SLC45A3: variants seen among roughly 807,000 people sequenced by gnomAD.
The protein encoded by SLC45A3 is solute carrier family 45 member 3.
Under a neutral mutation model 35.3 loss-of-function variants are expected in SLC45A3, and 17 were observed. That is an observed-to-expected ratio of 0.48 (90% confidence interval 0.33 to 0.72). The LOEUF (loss-of-function observed/expected upper bound fraction) is 0.72, where lower values mean the gene tolerates loss of function less well. Ranked by LOEUF, SLC45A3 falls within the 30% of genes least tolerant of loss-of-function variation. The pLI, the probability that SLC45A3 is intolerant of heterozygous loss-of-function variation, is 0.02. For missense variants in SLC45A3, 597 were observed against 731.7 expected (o/e 0.82, Z 2.12); for synonymous variants, 288 against 334.3 (o/e 0.86, Z 1.51).
At position 205,669,891 on chromosome 1, in the gene SLC45A3, GGTCA is replaced by G. The variant is rs1671181091; in HGVS notation, c.-230-5009_-230-5006del. On this transcript the variant is annotated intron_variant, in intron 1 of 4. Transcript: ENST00000367145. The surrounding 1 kb of genome is among the most constrained non-coding windows in gnomAD (Gnocchi z 4.1). Reference sequence around the variant, plus strand: ...ACCCCACCAAGGCTGCCCTGCCCCAGGTCAGTGAGATGGCAGAGAAGGGGCAACC... The same window carrying G: ...ACCCCACCAAGGCTGCCCTGCCCCAGGTGAGATGGCAGAGAAGGGGCAACC... 6.6e-6 allele frequency among the ~76,000 whole-genome samples: 1 copy of G among 152,176 alleles called. No individual in the cohort carries two copies. The highest frequency in any genetic ancestry group is 2.4e-5 in the African/African-American group (1 of 41,456).
At position 205,662,148 on chromosome 1, in the gene SLC45A3, C is replaced by T. The variant is rs763839327; in HGVS notation, c.959-22G>A. 5 of 1,603,798 alleles carry T rather than the reference C, an allele frequency of 3.1e-6. No individual in the cohort carries two copies. The East Asian group carries it at 1.1e-4, about 36-fold the overall frequency. The stretch of plus-strand genomic sequence containing the variant: ...ACGCCTGCAGAGGGAGAGGGGCCAT[C>T]AGACAGAGCCTGGGAGGGAAGGGTC... On this transcript the variant is annotated intron_variant, in intron 3 of 4. Transcript: ENST00000367145. The surrounding 1 kb of genome is among the most constrained non-coding windows in gnomAD (Gnocchi z 6.2).
chr1:205,670,743 C>A (rs1267385712), intron 1 of SLC45A3, among the ~76,000 whole-genome samples: 1 of 152,198 alleles, frequency 6.6e-6, no homozygotes, highest in Non-Finnish European at 1.5e-5. Flanking sequence ...GCAGAGTAAT[C>A]CATCAAACTC....
In SLC45A3 at chr1:205,659,380, G is replaced by C. The variant is rs1670977388; in HGVS notation, c.1516C>G (p.Pro506Ala). The change falls in exon 5 of 5, where the codon CCA becomes GCA. Residue 506 changes from proline (P) to alanine (A), a missense_variant. Physicochemically the swap from Pro to Ala is conservative, Grantham distance 27 (BLOSUM62 -1). Transcript: ENST00000367145. This position sits in a 1 kb window ranked among gnomAD's most constrained non-coding sequence, Gnocchi z 5.8. ...DSAFLLSQVA[P>A]SLFMGSIVQL... ...ACAATGGAGCCCATAAACAGGGATG[G>C]GGCCACCTGGGACAGCAGGAAGGCA... The C allele has an allele frequency of 6.2e-7, 1 of 1,614,092 alleles. No homozygotes were observed. Among genetic ancestry groups the C allele is most frequent in the Non-Finnish European group, 8.5e-7 (1 of 1,180,054 alleles).
intron 1 of SLC45A3, among the ~76,000 whole-genome samples, chr1:205,677,686 A>G (rs1310153235): frequency 6.6e-6 from 1 of 152,214 alleles, no homozygotes; most frequent in Non-Finnish European, 1.5e-5. Context: ...GTTTTTTAAG[A>G]GCAAGGCCCA....
intron 1 of SLC45A3, among the ~76,000 whole-genome samples, chr1:205,672,324 G>A (rs1002306323): frequency 1.3e-5 from 2 of 152,186 alleles, no homozygotes; most frequent in African/African-American, 4.8e-5. Context: ...AACAGGTGAG[G>A]AGAGGTCACT....
rs1343323819 is a variant in SLC45A3, at chr1:205,680,460, G to GC, written c.-298dup. 9.2e-5 allele frequency: 14 copies of GC among 152,494 alleles called. No homozygotes were observed. In the East Asian group the frequency reaches 1.4e-3, roughly 15 times the overall value. 9.4% of individuals were successfully genotyped at this position (152,494 alleles called of 1,614,324 possible). Reference sequence around the variant, plus strand: ...AGGCTGGTTCCGCCCCCCCTTCCTTGCCCCCCACGCGCGCCAGCCGGCGGC... The same window carrying GC: ...AGGCTGGTTCCGCCCCCCCTTCCTTGCCCCCCCACGCGCGCCAGCCGGCGGC... On this transcript the variant is annotated 5_prime_UTR_variant, in exon 1 of 5. Transcript: ENST00000367145.
rs924165956 is a variant in SLC45A3 at position 205,664,874 on chromosome 1, C to T, written c.-218G>A. The T allele has an allele frequency of 1.6e-5, 22 of 1,397,242 alleles. No homozygotes were observed. The highest frequency in any genetic ancestry group is 1.8e-5 in the Non-Finnish European group (19 of 1,078,792). 86.6% of individuals were successfully genotyped at this position (1,397,242 alleles called of 1,614,324 possible). On this transcript the variant is annotated 5_prime_UTR_variant, in exon 2 of 5. The change abolishes an upstream ATG in the 5' untranslated region. Coordinates refer to ENST00000367145, the MANE Select transcript of SLC45A3 (RefSeq NM_033102.3). This position sits in a 1 kb window ranked among gnomAD's most constrained non-coding sequence, Gnocchi z 5.3. ...GGGGCACCTCAGTGGGGACACGTCT[C>T]ATCACTCAGATCCTAGAAGGGCGGG...
intron 1 of SLC45A3, among the ~76,000 whole-genome samples, chr1:205,678,935 C>G (rs1002195002): frequency 2.0e-5 from 3 of 152,208 alleles, no homozygotes; most frequent in Non-Finnish European, 4.4e-5. Flanking sequence ...GCCTGGGCCT[C>G]CTGGGCCCTC....
At chr1:205,677,817 A>G (rs1442367850) in intron 1 of SLC45A3, among the ~76,000 whole-genome samples, 1 of 152,236 alleles carries the variant, frequency 6.6e-6, no homozygotes. Context: ...AGTATTCTAT[A>G]TACAATATTT....
Position 205,669,213 on chromosome 1 carries a change from T to C in SLC45A3, c.-230-4327A>G, listed in dbSNP as rs546255583. On this transcript the variant is annotated intron_variant, in intron 1 of 4. Transcript: ENST00000367145. This position sits in a 1 kb window ranked among gnomAD's most constrained non-coding sequence, Gnocchi z 4.1. Reference sequence around the variant, plus strand: ...CTCCTATGGGCTCAAAGGTGGTGAGTGGCTCAGATAAACCCTCCTGGACTG... The same window carrying C: ...CTCCTATGGGCTCAAAGGTGGTGAGCGGCTCAGATAAACCCTCCTGGACTG... 1.3e-5 allele frequency among the ~76,000 whole-genome samples: 2 copies of C among 152,022 alleles called. No individual in the cohort carries two copies. Among genetic ancestry groups the C allele is most frequent in the East Asian group, 1.9e-4 (1 of 5,154 alleles).
chr1:205,664,741 TCTC>T lies in SLC45A3; in HGVS notation c.-88_-86del. On this transcript the variant is annotated 5_prime_UTR_variant, in exon 2 of 5. Coordinates refer to ENST00000367145, the MANE Select transcript of SLC45A3 (RefSeq NM_033102.3). The surrounding 1 kb of genome is among the most constrained non-coding windows in gnomAD (Gnocchi z 5.3). Reference sequence around the variant, plus strand: ...CGGCTCTGCTCCAGAAGCTGCGGCCTCTCCTCCTTGCTGCCGCCAACTGCCTAG... The same window carrying T: ...CGGCTCTGCTCCAGAAGCTGCGGCCTCTCCTTGCTGCCGCCAACTGCCTAG... 1 of 1,528,682 alleles carries T rather than the reference TCTC, an allele frequency of 6.5e-7. No individual in the cohort carries two copies. The highest frequency in any genetic ancestry group is 1.4e-5 in the African/African-American group (1 of 72,608). 94.7% of individuals were successfully genotyped at this position (1,528,682 alleles called of 1,614,324 possible). A position where few individuals can be genotyped will look rare whatever the true frequency, so the allele number is the denominator to read the frequency against.
At chr1:205,670,064 C>T (rs137948218) in intron 1 of SLC45A3, among the ~76,000 whole-genome samples, 2 of 151,502 alleles carry the variant, frequency 1.3e-5, no homozygotes, top group Admixed American at 6.6e-5. Context: ...AATGCTGTCA[C>T]CTTACCTAAT....
At chr1:205,671,973 A>G (rs1017659602) in intron 1 of SLC45A3, among the ~76,000 whole-genome samples, 1 of 152,224 alleles carries the variant, frequency 6.6e-6, no homozygotes, top group African/African-American at 2.4e-5. Flanking sequence ...GTGCGTCTTG[A>G]TCTTCCAACC....
Position 205,662,307 on chromosome 1 carries a change from C to T in SLC45A3, c.959-181G>A. On this transcript the variant is annotated intron_variant, in intron 3 of 4. Transcript: ENST00000367145. The surrounding 1 kb of genome is among the most constrained non-coding windows in gnomAD (Gnocchi z 6.2). ...ATGGGAGTCTAGGTTCTTCCACTGACCCTCAGAGAATGTGGGCAACGCCCC... is the reference window on the plus strand; with the variant it reads ...ATGGGAGTCTAGGTTCTTCCACTGATCCTCAGAGAATGTGGGCAACGCCCC... 4 of 1,424,598 alleles carry T rather than the reference C, an allele frequency of 2.8e-6. No individual in the cohort carries two copies. The highest frequency in any genetic ancestry group is 2.6e-4 in the Middle Eastern group (1 of 3,838). 88.2% of individuals were successfully genotyped at this position (1,424,598 alleles called of 1,614,324 possible).
In SLC45A3 at chr1:205,664,950, T is replaced by C. The variant is rs1264846638; in HGVS notation, c.-230-64A>G. 12 of 1,240,244 alleles carry C rather than the reference T, an allele frequency of 9.7e-6. No homozygotes were observed. The highest frequency in any genetic ancestry group is 1.5e-5 in the African/African-American group (1 of 65,558). 76.8% of individuals were successfully genotyped at this position (1,240,244 alleles called of 1,614,324 possible). ...AGTCCTGGGAGCCAGGTCTCCACGA[T>C]TTGCTCTAAATTGTCTGGATCCTGA... On this transcript the variant is annotated intron_variant, in intron 1 of 4. Transcript: ENST00000367145. The surrounding 1 kb of genome is among the most constrained non-coding windows in gnomAD (Gnocchi z 5.3).
chr1:205,678,346 G>C (rs1421329434), intron 1 of SLC45A3, among the ~76,000 whole-genome samples: 1 of 152,170 alleles, frequency 6.6e-6, no homozygotes, highest in African/African-American at 2.4e-5. Context: ...CTGACAGTCT[G>C]GGTTTTTATC....
Position 205,664,687 on chromosome 1 carries a change from C to G in SLC45A3, c.-31G>C, listed in dbSNP as rs373921346. 8 of 1,610,452 alleles carry G rather than the reference C, an allele frequency of 5.0e-6. No homozygotes were observed. The African/African-American group carries it at 9.4e-5, about 19-fold the overall frequency. ...GCCAGGCGGGTAGGGCTCAGGGGGC[C>G]GTTCAGGCACTCCAGAACTGCTTCG... On this transcript the variant is annotated 5_prime_UTR_variant, in exon 2 of 5. Coordinates refer to ENST00000367145, the MANE Select transcript of SLC45A3 (RefSeq NM_033102.3). This position sits in a 1 kb window ranked among gnomAD's most constrained non-coding sequence, Gnocchi z 5.3.
chr1:205,664,649 T>C lies in SLC45A3; in HGVS notation c.8A>G (p.Gln3Arg), dbSNP rs758617674. 10 of 1,614,030 alleles carry C rather than the reference T, an allele frequency of 6.2e-6. No individual in the cohort carries two copies. The African/African-American group carries it at 1.2e-4, about 19-fold the overall frequency. Residue 3 changes from glutamine to arginine, a missense_variant, in exon 2 of 5, where the codon CAG (glutamine) becomes CGG (arginine). By Grantham distance (43) the Gln-to-Arg change is conservative (BLOSUM62 1). This residue lies in a region of SLC45A3 where 37 missense variants were observed against 41.1 expected (regional missense o/e 0.90). Coordinates refer to ENST00000367145, the MANE Select transcript of SLC45A3 (RefSeq NM_033102.3). This position sits in a 1 kb window ranked among gnomAD's most constrained non-coding sequence, Gnocchi z 5.3. ...CAGCAGGCGGCTCACCCACAGCCTC[T>C]GGACCATAGTGGGCCAGGCGGGTAG... MVQRLWVSRLLRH... is the reference protein window; with the variant it reads MVRRLWVSRLLRH...
Position 205,659,523 on chromosome 1 carries a change from G to A in SLC45A3, c.1373C>T (p.Pro458Leu), listed in dbSNP as rs892288859. The A allele has an allele frequency of 6.2e-6, 10 of 1,610,692 alleles. No individual in the cohort carries two copies. The highest frequency in any genetic ancestry group is 8.5e-6 in the Non-Finnish European group (10 of 1,178,066). ...AGGSGLLPPP[P>L]ALCGASACDV... is the part of the protein sequence containing the mutation. ...ACAGGCAGAGGCCCCGCAGAGCGCGGGTGGAGGTGGGAGCAGGCCACTGCC... is the reference window on the plus strand; with the variant it reads ...ACAGGCAGAGGCCCCGCAGAGCGCGAGTGGAGGTGGGAGCAGGCCACTGCC... The change falls in exon 5 of 5, where the codon CCC (proline) becomes CTC (leucine). Residue 458 changes from proline to leucine, a missense_variant. Around this residue, in one of 3 missense-constraint regions of SLC45A3, gnomAD observed 555 missense variants for 664.9 expected, o/e 0.83. Transcript: ENST00000367145. The surrounding 1 kb of genome is among the most constrained non-coding windows in gnomAD (Gnocchi z 5.8).
Sources: allele counts gnomAD v4.1 joint callset (sites outside exome capture counted in the v4.1 genomes callset), GRCh38; gene constraint gnomAD v4.1.1; regional missense constraint gnomAD v4.1.1; non-coding constraint Gnocchi (gnomAD v3.1); transcripts MANE v1.5; gene names NCBI Gene and HGNC (gene_info 2026-07-23, HGNC 2026-07-21).